The following SPMIP4 variants were observed in gnomAD, a reference collection of about 807,000 sequenced individuals.
SPMIP4 encodes the protein sperm-associated microtubule inner protein 4.
the SPMIP4 span, among the ~76,000 whole-genome samples, chr7:25,128,290 A>G: frequency 2.6e-5 from 4 of 152,208 alleles, no homozygotes; most frequent in Admixed American, 2.0e-4. This position sits in a 1 kb window ranked among gnomAD's most constrained non-coding sequence, Gnocchi z 4.5. Context: ...CAGGGCAACA[A>G]GTTCTCTCCA....
At chr7:25,176,772 A>G in the SPMIP4 span, among the ~76,000 whole-genome samples, 1 of 152,212 alleles carries the variant, frequency 6.6e-6, no homozygotes, top group Non-Finnish European at 1.5e-5. The surrounding 1 kb of genome is among the most constrained non-coding windows in gnomAD (Gnocchi z 4.4). Context: ...AATTTCTATG[A>G]TTTCTACATT....
the SPMIP4 span, among the ~76,000 whole-genome samples, chr7:25,164,629 T>C: frequency 6.6e-6 from 1 of 152,106 alleles, no homozygotes; most frequent in South Asian, 2.1e-4. Flanking sequence ...TTATTATTTA[T>C]AAAAGCATTT....
the SPMIP4 span, chr7:25,142,248 G>A: frequency 6.2e-7 from 1 of 1,610,966 alleles, no homozygotes; most frequent in Non-Finnish European, 8.5e-7. Context: ...TACCGGCTCT[G>A]GGTCAAATCC....
the SPMIP4 span, among the ~76,000 whole-genome samples, chr7:25,156,610 A>G: frequency 4.6e-5 from 7 of 152,202 alleles, no homozygotes; most frequent in African/African-American, 1.7e-4. Context: ...TGTGGCACGG[A>G]GGATACTGGG....
chr7:25,135,201 C>T, the SPMIP4 span: 1 of 565,826 alleles, frequency 1.8e-6, no homozygotes, highest in East Asian at 1.4e-4. Context: ...TAACTGATAC[C>T]AAGCCATCCT....
the SPMIP4 span, among the ~76,000 whole-genome samples, chr7:25,126,812 C>T: frequency 2.0e-5 from 3 of 152,140 alleles, no homozygotes; most frequent in Non-Finnish European, 4.4e-5. Context: ...TTATTGCTTA[C>T]GAATGTCCTT....
chr7:25,162,779 A>AT, the SPMIP4 span, among the ~76,000 whole-genome samples: 19 of 137,930 alleles, frequency 1.4e-4, no homozygotes, highest in Non-Finnish European at 2.9e-4. Flanking sequence ...TATTTATTTA[A>AT]ATTTTTTTTT....
At chr7:25,133,245 A>C in the SPMIP4 span, among the ~76,000 whole-genome samples, 1 of 152,206 alleles carries the variant, frequency 6.6e-6, no homozygotes, top group African/African-American at 2.4e-5. Context: ...TTTGCTGTGT[A>C]TATAGTGTAT....
the SPMIP4 span, among the ~76,000 whole-genome samples, chr7:25,143,723 C>T: frequency 6.6e-6 from 1 of 151,824 alleles, no homozygotes; most frequent in Non-Finnish European, 1.5e-5. Context: ...TCCTGAACAG[C>T]CTGGACTACA....
the SPMIP4 span, among the ~76,000 whole-genome samples, chr7:25,162,493 C>T: frequency 4.1e-3 from 620 of 151,764 alleles, 9 homozygotes; most frequent in African/African-American, 0.014. Context: ...GAAGAATAAA[C>T]GTAGAAAAGG....
chr7:25,139,838 T>G, the SPMIP4 span, among the ~76,000 whole-genome samples: 1 of 152,236 alleles, frequency 6.6e-6, no homozygotes, highest in East Asian at 1.9e-4. Context: ...TTCATACACA[T>G]TTTTATTACC....
chr7:25,135,948 GTTT>G, the SPMIP4 span: 1 of 1,558,404 alleles, frequency 6.4e-7, no homozygotes, highest in Non-Finnish European at 8.6e-7. Flanking sequence ...AAGAGGCTGG[GTTT>G]TGAAGGGAAG....
chr7:25,151,654 A>G, the SPMIP4 span: 9 of 1,611,348 alleles, frequency 5.6e-6, no homozygotes, highest in South Asian at 3.3e-5. Flanking sequence ...ATCCATGGGA[A>G]TATCAATCAG....
the SPMIP4 span, among the ~76,000 whole-genome samples, chr7:25,153,350 C>T: frequency 0.012 from 1,884 of 151,548 alleles, 33 homozygotes; most frequent in Non-Finnish European, 0.018. Context: ...GATCACTTGA[C>T]GTCAGGAGTT....
At chr7:25,133,600 G>C in the SPMIP4 span, among the ~76,000 whole-genome samples, 1 of 152,208 alleles carries the variant, frequency 6.6e-6, no homozygotes, top group Non-Finnish European at 1.5e-5. Context: ...GAAATATCTA[G>C]TCTTTGTAGA....
At chr7:25,156,976 T>C in the SPMIP4 span, among the ~76,000 whole-genome samples, 1 of 151,778 alleles carries the variant, frequency 6.6e-6, no homozygotes, top group Non-Finnish European at 1.5e-5. Flanking sequence ...CATGAGCCAC[T>C]GCGCCCGGCC....
At chr7:25,131,131 A>G in the SPMIP4 span, among the ~76,000 whole-genome samples, 1 of 152,160 alleles carries the variant, frequency 6.6e-6, no homozygotes, top group South Asian at 2.1e-4. The surrounding 1 kb of genome is among the most constrained non-coding windows in gnomAD (Gnocchi z 4.2). Context: ...TTCTCATAGG[A>G]ACTTGAACTC....
chr7:25,166,244 T>TTTTTTTTTTA, the SPMIP4 span, among the ~76,000 whole-genome samples: 24 of 149,554 alleles, frequency 1.6e-4, no homozygotes, highest in South Asian at 4.2e-4. Context: ...TTTTTTTTTT[T>TTTTTTTTTTA]GAGACGGAGT....
the SPMIP4 span, among the ~76,000 whole-genome samples, chr7:25,167,964 A>G: frequency 6.6e-6 from 1 of 152,202 alleles, no homozygotes; most frequent in African/African-American, 2.4e-5. Flanking sequence ...AAAAGTTCCA[A>G]AAACCAAGAG....
Sources: gnomAD v4.1 joint callset for allele counts (sites outside exome capture counted in the v4.1 genomes callset) on GRCh38, gnomAD v4.1.1 for gene constraint, Gnocchi (gnomAD v3.1) non-coding constraint, MANE v1.5 for transcripts, NCBI Gene and HGNC (gene_info 2026-07-23, HGNC 2026-07-21) for gene names.